Variants in SLC35A1 observed in about 807,000 individuals in gnomAD.
SLC35A1 encodes CMP-sialic acid transporter.
Under a neutral mutation model 40.3 loss-of-function variants are expected in SLC35A1, and 21 were observed. The observed-to-expected ratio is 0.52, with a 90% CI of 0.37 to 0.75. SLC35A1 has a LOEUF of 0.75. Among genes scored for constraint, SLC35A1 ranks in the 30% least tolerant of loss-of-function variants. SLC35A1 has a pLI of 0.00. For missense variants in SLC35A1, 297 were observed against 382.1 expected (o/e 0.78, Z 1.86); for synonymous variants, 146 against 147.3 (o/e 0.99, Z 0.06).
chr6:87,500,571 G>A lies in SLC35A1; in HGVS notation c.258G>A (p.Lys86=), dbSNP rs147860973. 287 of 1,613,984 alleles carry A rather than the reference G, an allele frequency of 1.8e-4. 2 individuals carry two copies. The highest frequency in any genetic ancestry group is 5.0e-5 in the Admixed American group (3 of 60,010). The part of the protein sequence containing the change: ...SLRENVLGSP[K]ELLKLSVPSL... The stretch of plus-strand genomic sequence containing the variant: ...GAGAAAATGTCTTGGGGAGCCCCAA[G>A]GAACTGTTGAAGTTAAGTGTGCCAT... The change falls in exon 3 of 8, where the codon AAG becomes AAA. Residue 86 remains lysine (K), a synonymous_variant. Coordinates refer to ENST00000369552, the MANE Select transcript of SLC35A1 (RefSeq NM_006416.5).
chr6:87,505,967 A>G (rs989552671), intron 4 of SLC35A1, among the ~76,000 whole-genome samples: 3 of 152,222 alleles, frequency 2.0e-5, no homozygotes, highest in African/African-American at 7.2e-5. Context: ...GCAGCACTGT[A>G]TCCTGTAGGT....
intron 2 of SLC35A1, among the ~76,000 whole-genome samples, chr6:87,494,400 G>T (rs954037066): frequency 6.0e-5 from 9 of 150,370 alleles, no homozygotes; most frequent in Non-Finnish European, 8.8e-5. Context: ...TGTAAATAAG[G>T]TGATTTTTTT....
rs748450064 is a variant in SLC35A1, at chr6:87,511,478, C to T, written c.966C>T (p.Ser322=). Residue 322 remains serine (S), a synonymous_variant, in exon 8 of 8, where the codon TCC becomes TCT. Transcript: ENST00000369552. ...GATTACCCAGACAAGACACTACATC[C>T]ATCCAACAAGGAGAAACAGCTTCAA... ...LYGLPRQDTT[S]IQQGETASKE... 3 of 1,613,884 alleles carry T rather than the reference C, an allele frequency of 1.9e-6. No homozygotes were observed. The highest frequency in any genetic ancestry group is 2.5e-6 in the Non-Finnish European group (3 of 1,179,900).
chr6:87,490,591 C>T (rs1769520300), intron 2 of SLC35A1, among the ~76,000 whole-genome samples: 1 of 151,858 alleles, frequency 6.6e-6, no homozygotes. Flanking sequence ...CTCGGCCTCC[C>T]AATGTAATTT....
At chr6:87,491,054 G>A (rs1280505033) in intron 2 of SLC35A1, among the ~76,000 whole-genome samples, 4 of 152,186 alleles carry the variant, frequency 2.6e-5, no homozygotes, top group African/African-American at 4.8e-5. Flanking sequence ...AAACAAGCTG[G>A]TAAATACAGC....
intron 2 of SLC35A1, among the ~76,000 whole-genome samples, chr6:87,485,961 AAAACTATGAT>A (rs1329309658): frequency 1.3e-5 from 2 of 152,230 alleles, no homozygotes; most frequent in African/African-American, 2.4e-5. Context: ...AACTTCATTT[AAAACTATGAT>A]TAAATGAAGT....
Position 87,508,492 on chromosome 6 carries a change from CAG to C in SLC35A1, c.648_649del (p.Gly217AspfsTer15), listed in dbSNP as rs1770156206. 6.2e-7 allele frequency: 1 copy of C among 1,612,502 alleles called. No individual in the cohort carries two copies. Among genetic ancestry groups the C allele is most frequent in the Non-Finnish European group, 8.5e-7 (1 of 1,178,920 alleles). On this transcript the variant is annotated frameshift_variant, in exon 6 of 8. Transcript: ENST00000369552. LOFTEE classifies it high-confidence loss of function. ...GTGAGAAACATTCAAATGTATCTAT[CAG>C]GGATTATTGTGACATTAGCTGGCGT... is the stretch of plus-strand genomic sequence containing the variant.
intron 2 of SLC35A1, among the ~76,000 whole-genome samples, chr6:87,486,075 T>A (rs924654122): frequency 2.0e-4 from 30 of 152,226 alleles, no homozygotes; most frequent in Admixed American, 3.3e-4. Flanking sequence ...AACTTCAATT[T>A]TTTTGGAACT....
rs751976228 is a variant in SLC35A1, at chr6:87,477,493, A to G, written c.148A>G (p.Ile50Val). Reference protein sequence around the residue: ...ELYFSTTAVCITEVIKLLLSV... With the variant: ...ELYFSTTAVCVTEVIKLLLSV... ...CTACTTTTCAACCACAGCCGTGTGT[A>G]TCACAGAAGTTATAAAGTTATTGCT... Residue 50 changes from isoleucine (I) to valine (V), a missense_variant, in exon 2 of 8, where the codon ATC (isoleucine) becomes GTC (valine). By Grantham distance (29) the Ile-to-Val change is conservative. Coordinates refer to ENST00000369552, the MANE Select transcript of SLC35A1 (RefSeq NM_006416.5). 7 of 1,614,048 alleles carry G rather than the reference A, an allele frequency of 4.3e-6. No homozygotes were observed. The highest frequency in any genetic ancestry group is 1.3e-5 in the African/African-American group (1 of 74,942).
At chr6:87,474,649 G>A (rs1351396388) in intron 1 of SLC35A1, among the ~76,000 whole-genome samples, 2 of 152,202 alleles carry the variant, frequency 1.3e-5, no homozygotes, top group African/African-American at 2.4e-5. Flanking sequence ...TGTGAATGGA[G>A]TGAACAAGAA....
intron 2 of SLC35A1, among the ~76,000 whole-genome samples, chr6:87,492,545 ATT>A (rs59459204): frequency 0.21 from 23,692 of 115,100 alleles, 1,778 homozygotes; most frequent in African/African-American, 0.26. Flanking sequence ...ATTTATCTTG[ATT>A]TTTTTTTTTT....
chr6:87,473,111 A>G (rs1481015492), intron 1 of SLC35A1, 92 bp downstream of exon 1: 9 of 415,524 alleles, frequency 2.2e-5, no homozygotes, highest in African/African-American at 1.4e-4. Flanking sequence ...GCAGCGGAGC[A>G]CCCTGGTTGC....
Position 87,508,385 on chromosome 6 carries a change from A to C in SLC35A1, c.575-35A>C, listed in dbSNP as rs779007827. The C allele has an allele frequency of 1.1e-5, 15 of 1,347,110 alleles. No individual in the cohort carries two copies. In the East Asian group the frequency reaches 3.3e-4, roughly 29 times the overall value. The allele number at this position is 1,347,110 out of a possible 1,614,324, so 83.4% of individuals were successfully genotyped here. A position where few individuals can be genotyped will look rare whatever the true frequency, so the allele number is the denominator to read the frequency against. ...AAGACATTTTAAGTTAATTTATAGT[A>C]ATCTTTAATATTTGCATGTCTAATT... On this transcript the variant is annotated intron_variant, in intron 5 of 7. Transcript: ENST00000369552.
At chr6:87,493,057 C>T (rs1769601664) in intron 2 of SLC35A1, among the ~76,000 whole-genome samples, 1 of 152,152 alleles carries the variant, frequency 6.6e-6, no homozygotes, top group Non-Finnish European at 1.5e-5. Flanking sequence ...ATTACCTATA[C>T]ATTTATTGGC....
Position 87,511,612 on chromosome 6 carries a change from CAAAT to C in SLC35A1, c.*90_*93del, listed in dbSNP as rs1169790753. On this transcript the variant is annotated 3_prime_UTR_variant, in exon 8 of 8. Coordinates refer to ENST00000369552, the MANE Select transcript of SLC35A1 (RefSeq NM_006416.5). ...AGTCAATCTCAGAAGGTAGCATAAACAAATAAAAATTAACTGTATGGCATGATCA... is the reference window on the plus strand; with the variant it reads ...AGTCAATCTCAGAAGGTAGCATAAACAAAAATTAACTGTATGGCATGATCA... 1.8e-5 allele frequency: 26 copies of C among 1,442,140 alleles called. No homozygotes were observed. Among genetic ancestry groups the C allele is most frequent in the Middle Eastern group, 1.7e-4 (1 of 5,736 alleles). 89.3% of individuals were successfully genotyped at this position (1,442,140 alleles called of 1,614,324 possible).
At chr6:87,509,233 C>T in intron 7 of SLC35A1, 58 bp downstream of exon 7, 1 of 1,600,950 alleles carries the variant, frequency 6.2e-7, no homozygotes, top group Non-Finnish European at 8.6e-7. Flanking sequence ...TTCCTTGATT[C>T]ATTTAATCCC....
chr6:87,499,567 TG>T (rs1323783149), intron 2 of SLC35A1, among the ~76,000 whole-genome samples: 1 of 151,266 alleles, frequency 6.6e-6, no homozygotes, highest in African/African-American at 2.4e-5. Flanking sequence ...ATAATCAATA[TG>T]CAGTCAAACA....
rs1364790026 is a variant in SLC35A1 at position 87,500,677 on chromosome 6, G to A, written c.354+10G>A. ...TGCAGCAGTGTACCAGGTAAGTGGAGTTAATGATAATGAAAAGCACAGAAT... is the reference window on the plus strand; with the variant it reads ...TGCAGCAGTGTACCAGGTAAGTGGAATTAATGATAATGAAAAGCACAGAAT... On this transcript the variant is annotated intron_variant, in intron 3 of 7. Transcript: ENST00000369552. 3.7e-6 allele frequency: 6 copies of A among 1,613,140 alleles called. No homozygotes were observed. Among genetic ancestry groups the A allele is most frequent in the South Asian group, 1.1e-5 (1 of 91,066 alleles).
chr6:87,511,484 A>T lies in SLC35A1; in HGVS notation c.972A>T (p.Gln324His). Residue 324 changes from glutamine (Q) to histidine (H), a missense_variant, in exon 8 of 8, where the codon CAA (glutamine) becomes CAT (histidine). Transcript: ENST00000369552. The stretch of plus-strand genomic sequence containing the variant: ...CCAGACAAGACACTACATCCATCCA[A>T]CAAGGAGAAACAGCTTCAAAGGAGA... ...GLPRQDTTSIQQGETASKERV... is the reference protein window; with the variant it reads ...GLPRQDTTSIHQGETASKERV... 1 of 1,614,052 alleles carries T rather than the reference A, an allele frequency of 6.2e-7. No individual in the cohort carries two copies. Among genetic ancestry groups the T allele is most frequent in the Non-Finnish European group, 8.5e-7 (1 of 1,179,976 alleles).
Sources: allele counts gnomAD v4.1 joint callset (sites outside exome capture counted in the v4.1 genomes callset), GRCh38; gene constraint gnomAD v4.1.1; transcripts MANE v1.5; gene names NCBI Gene and HGNC (gene_info 2026-07-23, HGNC 2026-07-21).